The following ABHD18 variants were observed in gnomAD, a reference collection of about 807,000 sequenced individuals.
ABHD18 encodes cardiolipin-specific deacylase, mitochondrial.
ABHD18 carries 55 observed loss-of-function variants against 65.9 expected under a neutral mutation model. The observed-to-expected ratio is 0.84, with a 90% CI of 0.67 to 1.05. ABHD18 has a LOEUF of 1.05. Ranked by LOEUF, ABHD18 falls within the 50% of genes least tolerant of loss-of-function variation. The pLI is 0.00. For missense variants in ABHD18, 533 were observed against 558.5 expected (o/e 0.95, Z 0.46); for synonymous variants, 181 against 180.2 (o/e 1.00, Z -0.04).
chr4:127,990,435 G>C (rs1455085017), intron 4 of ABHD18, among the ~76,000 whole-genome samples: 1 of 152,056 alleles, frequency 6.6e-6, no homozygotes, highest in Non-Finnish European at 1.5e-5. Context: ...GTGGTGGCAG[G>C]CACCTGTAAT....
At chr4:128,014,042 G>A (rs1312226230) in intron 7 of ABHD18, among the ~76,000 whole-genome samples, 1 of 140,528 alleles carries the variant, frequency 7.1e-6, no homozygotes, top group African/African-American at 2.7e-5. Context: ...GGAGTGCAAT[G>A]GCGTGATCTC....
intron 12 of ABHD18, chr4:128,031,159 A>C: frequency 1.0e-6 from 1 of 985,390 alleles, no homozygotes; most frequent in African/African-American, 1.7e-5. Context: ...AGAACTTATA[A>C]AAACTTTTAT....
At chr4:128,011,617 A>G in intron 6 of ABHD18, 56 bp from the exon 7 acceptor site, 2 of 1,403,848 alleles carry the variant, frequency 1.4e-6, no homozygotes, top group African/African-American at 1.4e-5. Context: ...ATGTACTCTC[A>G]GACAAACAAA....
chr4:127,989,758 A>G lies in ABHD18; in HGVS notation c.215A>G (p.His72Arg), dbSNP rs1483997171. ...EQSDCKILDGHFVSPMAHYVP... is the reference protein window; with the variant it reads ...EQSDCKILDGRFVSPMAHYVP... ...TCAGATTGTAAGATCTTAGATGGAC[A>G]CTTTGTTTCCCCCATGGCTCACTAT... The change falls in exon 4 of 13, where the codon CAC (histidine) becomes CGC (arginine). Residue 72 changes from histidine (H) to arginine (R), a missense_variant. Coordinates refer to ENST00000645843, the MANE Select transcript of ABHD18 (RefSeq NM_001358451.3). The G allele has an allele frequency of 6.2e-7, 1 of 1,602,508 alleles. No individual in the cohort carries two copies. The highest frequency in any genetic ancestry group is 8.5e-7 in the Non-Finnish European group (1 of 1,174,356).
At chr4:127,977,027 C>A (rs1660553413) in intron 1 of ABHD18, among the ~76,000 whole-genome samples, 1 of 151,216 alleles carries the variant, frequency 6.6e-6, no homozygotes, top group Non-Finnish European at 1.5e-5. Flanking sequence ...GGCGACAGAG[C>A]GACACTCCAT....
intron 12 of ABHD18, among the ~76,000 whole-genome samples, chr4:128,035,034 G>A (rs938400102): frequency 1.6e-4 from 25 of 152,070 alleles, no homozygotes; most frequent in Non-Finnish European, 2.4e-4. Context: ...TAAGTAGCTA[G>A]GAACATGTTC....
chr4:127,983,055 AT>A lies in ABHD18; in HGVS notation c.92+16del. On this transcript the variant is annotated intron_variant, in intron 2 of 12. Transcript: ENST00000645843. ...GCCAGAAGATCTCAAAAGGCAAGCA[AT>A]TTTTTTTCCTGAATACTTGTTCTGA... 10 of 1,542,020 alleles carry A rather than the reference AT, an allele frequency of 6.5e-6. No individual in the cohort carries two copies. The highest frequency in any genetic ancestry group is 4.0e-5 in the Admixed American group (2 of 49,682).
intron 1 of ABHD18, among the ~76,000 whole-genome samples, chr4:127,968,353 A>G (rs773299963): frequency 6.6e-6 from 1 of 152,266 alleles, no homozygotes; most frequent in Non-Finnish European, 1.5e-5. Context: ...TTTCTTAGCT[A>G]CTTAAACTTG....
chr4:128,007,953 G>A (rs981423655), intron 4 of ABHD18, among the ~76,000 whole-genome samples: 25 of 151,902 alleles, frequency 1.6e-4, no homozygotes, highest in African/African-American at 3.9e-4. Context: ...AGAAAAAGTC[G>A]GAGCTATATC....
chr4:128,001,813 T>G, intron 4 of ABHD18: 1 of 1,498,400 alleles, frequency 6.7e-7, no homozygotes, highest in Non-Finnish European at 8.9e-7. Context: ...TTGTATATCC[T>G]TAGTGGTTAG....
chr4:128,032,482 C>T (rs935299697), intron 12 of ABHD18, among the ~76,000 whole-genome samples: 39 of 152,270 alleles, frequency 2.6e-4, no homozygotes, highest in African/African-American at 9.1e-4. Flanking sequence ...ATCAGGAGTT[C>T]GAGCCCAGCC....
intron 1 of ABHD18, among the ~76,000 whole-genome samples, chr4:127,972,965 T>C (rs1278485280): frequency 6.6e-6 from 1 of 152,128 alleles, no homozygotes; most frequent in Non-Finnish European, 1.5e-5. Flanking sequence ...TGAAAATATA[T>C]AAACATGATT....
intron 11 of ABHD18, 149 bp from the exon 12 acceptor site, chr4:128,030,361 G>A (rs999265031): frequency 2.5e-5 from 12 of 482,652 alleles, no homozygotes; most frequent in African/African-American, 1.2e-4. Flanking sequence ...TATTTATCTC[G>A]TACTGGAGAT....
chr4:127,992,224 C>T (rs915662161), intron 4 of ABHD18, among the ~76,000 whole-genome samples: 1 of 152,116 alleles, frequency 6.6e-6, no homozygotes, highest in Non-Finnish European at 1.5e-5. Flanking sequence ...GTAATCCCAG[C>T]ACTTTGGGAG....
intron 10 of ABHD18, among the ~76,000 whole-genome samples, chr4:128,027,647 G>T (rs954113199): frequency 6.6e-6 from 1 of 151,814 alleles, no homozygotes; most frequent in African/African-American, 2.4e-5. Flanking sequence ...CTCGTGATCC[G>T]CCTGCTTCAG....
chr4:127,969,417 TC>T (rs1396276208), intron 1 of ABHD18, among the ~76,000 whole-genome samples: 1 of 152,052 alleles, frequency 6.6e-6, no homozygotes, highest in Non-Finnish European at 1.5e-5. Context: ...CAGGCTGGTC[TC>T]CAACTCCCAA....
chr4:127,975,440 A>G (rs1184909170), intron 1 of ABHD18, among the ~76,000 whole-genome samples: 1 of 152,202 alleles, frequency 6.6e-6, no homozygotes, highest in African/African-American at 2.4e-5. Flanking sequence ...CACTTAGCGT[A>G]ATGTCCTCTG....
intron 1 of ABHD18, among the ~76,000 whole-genome samples, chr4:127,973,494 C>G (rs1478241117): frequency 6.6e-6 from 1 of 152,054 alleles, no homozygotes; most frequent in Non-Finnish European, 1.5e-5. Flanking sequence ...ATTGGTTTCT[C>G]TCAGTGTAGC....
rs377450903 is a variant in ABHD18, at chr4:127,966,324, A to T, written c.-18+718A>T. Among the ~76,000 whole-genome samples, 13 of 152,268 alleles carry T rather than the reference A, an allele frequency of 8.5e-5. No individual in the cohort carries two copies. In the East Asian group the frequency reaches 1.5e-3, roughly 18 times the overall value. Reference sequence around the variant, plus strand: ...CCTATGAGATAGGCGAAGCAGACACATTGCTAGTTTACTGAAAATTAAGAT... The same window carrying T: ...CCTATGAGATAGGCGAAGCAGACACTTTGCTAGTTTACTGAAAATTAAGAT... On this transcript the variant is annotated intron_variant, in intron 1 of 12. Transcript: ENST00000645843.
Sources: gnomAD v4.1 joint callset for allele counts (sites outside exome capture counted in the v4.1 genomes callset) on GRCh38, gnomAD v4.1.1 for gene constraint, MANE v1.5 for transcripts, NCBI Gene and HGNC (gene_info 2026-07-23, HGNC 2026-07-21) for gene names.